Variants in CDH9 observed in about 807,000 individuals in gnomAD.
CDH9 encodes cadherin-9.
A neutral mutation model predicts 70.9 loss-of-function variants in CDH9; 28 were observed. The observed-to-expected ratio is 0.40, with a 90% confidence interval of 0.29 to 0.54. The LOEUF (loss-of-function observed/expected upper bound fraction) is 0.54. Ranked by LOEUF, CDH9 falls within the 20% of genes least tolerant of loss-of-function variation. CDH9 has a pLI of 0.59. For missense variants in CDH9, 874 were observed against 984.4 expected (o/e 0.89, Z 1.50); for synonymous variants, 409 against 343.1 (o/e 1.19, Z -2.12).
chr5:27,000,221 T>C (rs958998758), intron 1 of CDH9, among the ~76,000 whole-genome samples: 1 of 152,104 alleles, frequency 6.6e-6, no homozygotes, highest in Admixed American at 6.6e-5. Context: ...TCTGCAAAGA[T>C]ATCTAACCAA....
chr5:26,893,014 T>C (rs1740687758), intron 7 of CDH9, among the ~76,000 whole-genome samples: 1 of 152,298 alleles, frequency 6.6e-6, no homozygotes, highest in East Asian at 1.9e-4. Flanking sequence ...ACTACAGGCG[T>C]GAACCACCAC....
intron 2 of CDH9, among the ~76,000 whole-genome samples, chr5:26,924,438 T>C (rs1362777410): frequency 6.6e-6 from 1 of 151,502 alleles, no homozygotes; most frequent in Non-Finnish European, 1.5e-5. Flanking sequence ...CCAAGATCAA[T>C]GACTTCACTG....
chr5:26,905,842 T>C (rs1294696111), intron 5 of CDH9, 117 bp downstream of exon 5: 2 of 737,756 alleles, frequency 2.7e-6, no homozygotes, highest in Non-Finnish European at 4.6e-6. Flanking sequence ...TGGATTATGG[T>C]TTTTTCTTTA....
intron 2 of CDH9, among the ~76,000 whole-genome samples, chr5:26,972,026 G>A (rs150585901): frequency 3.2e-4 from 49 of 152,254 alleles, no homozygotes; most frequent in African/African-American, 7.0e-4. Flanking sequence ...AATAGTGAAT[G>A]TCCTATTTTA....
chr5:26,984,968 A>G (rs1035104367), intron 2 of CDH9, among the ~76,000 whole-genome samples: 5 of 152,136 alleles, frequency 3.3e-5, no homozygotes, highest in Non-Finnish European at 7.4e-5. Context: ...TTGCCTTATT[A>G]AAATTATCTT....
At chr5:26,952,562 G>A (rs773082936) in intron 2 of CDH9, among the ~76,000 whole-genome samples, 1 of 138,040 alleles carries the variant, frequency 7.2e-6, no homozygotes, top group Non-Finnish European at 1.5e-5. Flanking sequence ...ATGAACCCGG[G>A]AGGCAGAGCC....
At chr5:26,951,634 G>T (rs1741847367) in intron 2 of CDH9, among the ~76,000 whole-genome samples, 1 of 152,170 alleles carries the variant, frequency 6.6e-6, no homozygotes, top group Non-Finnish European at 1.5e-5. Flanking sequence ...ATTCTACAGA[G>T]ATCTGGGGAG....
rs566107417 is a variant in CDH9 at position 26,958,240 on chromosome 5, A to C, written c.228+29866T>G. ...AAATGAACATTAGTGGACATTAACC[A>C]AAGAACCTTCTGTACACGGCACCTT... On this transcript the variant is annotated intron_variant, in intron 2 of 11. Transcript: ENST00000231021. Among the ~76,000 whole-genome samples, 6 of 152,322 alleles carry C rather than the reference A, an allele frequency of 3.9e-5. No individual in the cohort carries two copies. The South Asian group carries it at 1.2e-3, about 32-fold the overall frequency.
intron 1 of CDH9, among the ~76,000 whole-genome samples, chr5:27,002,878 C>A (rs1742795494): frequency 6.6e-6 from 1 of 151,746 alleles, no homozygotes; most frequent in Non-Finnish European, 1.5e-5. Flanking sequence ...TATAACAAAC[C>A]TGCACGTAGT....
At chr5:26,939,222 A>C (rs1443998886) in intron 2 of CDH9, among the ~76,000 whole-genome samples, 2 of 151,718 alleles carry the variant, frequency 1.3e-5, no homozygotes, top group Non-Finnish European at 2.9e-5. Context: ...GAATCTGAAA[A>C]ATGTCAAAAG....
In CDH9 at chr5:26,881,210, A is replaced by T. The variant is rs780694475; in HGVS notation, c.2296T>A (p.Tyr766Asn). 1 of 1,612,910 alleles carries T rather than the reference A, an allele frequency of 6.2e-7. No homozygotes were observed. Among genetic ancestry groups the T allele is most frequent in the Non-Finnish European group, 8.5e-7 (1 of 1,179,174 alleles). The change falls in exon 12 of 12, where the codon TAC becomes AAC. Residue 766 changes from tyrosine (Y) to asparagine (N), a missense_variant. Tyr to Asn is a moderately radical substitution (Grantham distance 143). Transcript: ENST00000231021. The part of the protein sequence containing the change: ...LTADCNQDYD[Y>N]LSDWGPRFKK... The stretch of plus-strand genomic sequence containing the variant: ...AAACGAGGCCCCCAGTCACTGAGGT[A>T]ATCATAATCTTGGTTACAATCAGCT...
intron 2 of CDH9, among the ~76,000 whole-genome samples, chr5:26,939,445 T>C (rs1016719336): frequency 6.6e-6 from 1 of 151,484 alleles, no homozygotes; most frequent in African/African-American, 2.4e-5. Context: ...GAAAAGTATA[T>C]ATACATATAT....
chr5:26,969,566 A>G (rs1742183027), intron 2 of CDH9, among the ~76,000 whole-genome samples: 1 of 152,092 alleles, frequency 6.6e-6, no homozygotes, highest in South Asian at 2.1e-4. Context: ...GTAGGTTTTG[A>G]AATAAAATTA....
intron 2 of CDH9, among the ~76,000 whole-genome samples, chr5:26,977,772 G>A (rs1339021848): frequency 2.0e-5 from 3 of 152,032 alleles, no homozygotes; most frequent in African/African-American, 7.2e-5. Flanking sequence ...AACTGAACAT[G>A]TACACAGTAA....
intron 2 of CDH9, among the ~76,000 whole-genome samples, chr5:26,940,630 T>G (rs138555759): frequency 1.3e-5 from 2 of 152,294 alleles, no homozygotes; most frequent in African/African-American, 4.8e-5. Flanking sequence ...TATCCAGGAA[T>G]TATTGCTTTT....
chr5:26,995,769 G>T (rs1387456320), intron 1 of CDH9, among the ~76,000 whole-genome samples: 1 of 151,952 alleles, frequency 6.6e-6, no homozygotes, highest in Non-Finnish European at 1.5e-5. Context: ...CTAATTATTT[G>T]TCAGCATTAA....
Position 26,906,833 on chromosome 5 carries a change from A to G in CDH9, c.529T>C (p.Ser177Pro), listed in dbSNP as rs759466753. Residue 177 changes from serine (S) to proline (P), a missense_variant, in exon 4 of 12, where the codon TCT becomes CCT. Transcript: ENST00000231021. ...TCTGTTGCAGTTACTTGTATAACAG[A>G]TGTACCTACATGAAACCCCCATCCC... Reference protein sequence around the residue: ...SVPEMSGVGTSVIQVTATDAD... With the variant: ...SVPEMSGVGTPVIQVTATDAD... 1.9e-6 allele frequency: 3 copies of G among 1,602,068 alleles called. No homozygotes were observed. The highest frequency in any genetic ancestry group is 2.6e-6 in the Non-Finnish European group (3 of 1,172,610).
At chr5:26,997,058 C>T (rs1434127076) in intron 1 of CDH9, among the ~76,000 whole-genome samples, 1 of 151,506 alleles carries the variant, frequency 6.6e-6, no homozygotes, top group Non-Finnish European at 1.5e-5. Context: ...TGACCTTTTG[C>T]TAATGGTTTA....
intron 7 of CDH9, among the ~76,000 whole-genome samples, chr5:26,896,474 G>A (rs1051085342): frequency 2.0e-5 from 3 of 150,494 alleles, no homozygotes; most frequent in African/African-American, 7.3e-5. Flanking sequence ...TTATACAATA[G>A]TATGAAATGA....
Sources: allele counts gnomAD v4.1 joint callset (sites outside exome capture counted in the v4.1 genomes callset), GRCh38; gene constraint gnomAD v4.1.1; transcripts MANE v1.5; gene names NCBI Gene and HGNC (gene_info 2026-07-23, HGNC 2026-07-21).